DNAH7: variants seen among roughly 807,000 people sequenced by gnomAD.
DNAH7 encodes dynein axonemal heavy chain 7.
In DNAH7, 397 loss-of-function variants were observed where a neutral mutation model predicts 444.6. That is an observed-to-expected ratio of 0.89 (90% CI 0.82 to 0.97). The LOEUF is 0.97. DNAH7 is among the 50% of genes least tolerant of loss of function. DNAH7 has a pLI of 0.00. For synonymous variants in DNAH7, 1,636 were observed against 1,624.4 expected (o/e 1.01, Z -0.17); for missense variants, 4,902 against 4,800.8 (o/e 1.02, Z -0.62).
At chr2:196,009,022 C>A (rs1165896925) in intron 10 of DNAH7, among the ~76,000 whole-genome samples, 1 of 152,058 alleles carries the variant, frequency 6.6e-6, no homozygotes, top group Non-Finnish European at 1.5e-5. Context: ...AGAGCGAGTG[C>A]AAGAGAGCAA....
chr2:196,018,225 C>T lies in DNAH7; in HGVS notation c.869+945G>A, dbSNP rs141717494. On this transcript the variant is annotated intron_variant, in intron 9 of 64. Coordinates refer to ENST00000312428, the MANE Select transcript of DNAH7 (RefSeq NM_018897.3). ...CCCTAGTAGTCTAGCAAAGGCAAAT[C>T]GAAGTAATGATGATATAGCATTTTA... is the stretch of plus-strand genomic sequence containing the variant. Among the ~76,000 whole-genome samples the T allele has an allele frequency of 5.7e-4, 87 of 152,034 alleles. 1 individual carries two copies. The highest frequency in any genetic ancestry group is 2.1e-3 in the African/African-American group (86 of 41,506).
At chr2:195,757,585 TAAAGG>T (rs1462849783) in intron 61 of DNAH7, among the ~76,000 whole-genome samples, 1 of 152,134 alleles carries the variant, frequency 6.6e-6, no homozygotes, top group African/African-American at 2.4e-5. Context: ...AAAACAGCAG[TAAAGG>T]AATTTACTTT....
At chr2:196,064,316 A>AAAATAAAT (rs201123021) in intron 1 of DNAH7, among the ~76,000 whole-genome samples, 1,127 of 50,158 alleles carry the variant, frequency 0.022, 13 homozygotes, top group African/African-American at 0.041. Context: ...ACTCCGTCTC[A>AAAATAAAT]AAATAAATAA....
chr2:195,897,604 T>TA (rs1702395436), intron 29 of DNAH7, 63 bp downstream of exon 29: 1 of 943,332 alleles, frequency 1.1e-6, no homozygotes, highest in Non-Finnish European at 1.7e-6. Context: ...TTCACAACCT[T>TA]AGACATGTGA....
At chr2:195,896,849 A>G (rs1001171959) in intron 29 of DNAH7, among the ~76,000 whole-genome samples, 5 of 152,312 alleles carry the variant, frequency 3.3e-5, no homozygotes, top group East Asian at 3.9e-4. Context: ...ATGATGAGAC[A>G]TGGCTGCCAT....
intron 19 of DNAH7, among the ~76,000 whole-genome samples, chr2:195,950,613 C>T (rs191063648): frequency 2.7e-3 from 415 of 152,016 alleles, no homozygotes; most frequent in Non-Finnish European, 4.8e-3. Flanking sequence ...CTTTGGGAGG[C>T]TGAAGCGGGC....
rs1272916365 is a variant in DNAH7 at position 195,972,296 on chromosome 2, T to G, written c.2004A>C (p.Glu668Asp). The change falls in exon 16 of 65, where the codon GAA becomes GAC. Residue 668 changes from glutamate to aspartate, a missense_variant. Glu to Asp is a conservative substitution (Grantham distance 45). Coordinates refer to ENST00000312428, the MANE Select transcript of DNAH7 (RefSeq NM_018897.3). Reference sequence around the variant, plus strand: ...TCTCTTTAATGATTTTCCTGTGTTCTTCAAAAATTTCTCCCATCCTTCCAT... The same window carrying G: ...TCTCTTTAATGATTTTCCTGTGTTCGTCAAAAATTTCTCCCATCCTTCCAT... ...QWYGRMGEIF[E>D]EHRKIIKEKI... is the part of the protein sequence containing the mutation. 1.9e-6 allele frequency: 3 copies of G among 1,614,172 alleles called. No individual in the cohort carries two copies. The highest frequency in any genetic ancestry group is 3.3e-5 in the Admixed American group (2 of 60,028).
chr2:195,747,022 C>A (rs1328339312), intron 63 of DNAH7, among the ~76,000 whole-genome samples: 10 of 151,976 alleles, frequency 6.6e-5, no homozygotes, highest in African/African-American at 2.4e-4. Flanking sequence ...GAAATAGAGA[C>A]ACAAAAAAAC....
intron 29 of DNAH7, among the ~76,000 whole-genome samples, chr2:195,896,714 A>G (rs1702339306): frequency 6.6e-6 from 1 of 152,204 alleles, no homozygotes; most frequent in Non-Finnish European, 1.5e-5. Flanking sequence ...AAATCTGTAC[A>G]GTGCACCAGT....
intron 2 of DNAH7, among the ~76,000 whole-genome samples, chr2:196,056,419 G>GAAAAAAA (rs57708138): frequency 8.7e-6 from 1 of 115,350 alleles, no homozygotes. Flanking sequence ...CACTCTGTCT[G>GAAAAAAA]AAAAAAAAAA....
At chr2:195,996,121 T>C (rs1355530564) in intron 12 of DNAH7, among the ~76,000 whole-genome samples, 2 of 152,134 alleles carry the variant, frequency 1.3e-5, no homozygotes, top group African/African-American at 2.4e-5. Flanking sequence ...TAGAGTGCAA[T>C]GTCATATCAT....
At chr2:196,011,688 G>A (rs1694735027) in intron 10 of DNAH7, among the ~76,000 whole-genome samples, 1 of 152,110 alleles carries the variant, frequency 6.6e-6, no homozygotes, top group Non-Finnish European at 1.5e-5. Flanking sequence ...TTAAAATATG[G>A]TCAGAGAGTT....
At chr2:195,933,172 A>G (rs1419107024) in intron 21 of DNAH7, among the ~76,000 whole-genome samples, 1 of 152,238 alleles carries the variant, frequency 6.6e-6, no homozygotes, top group South Asian at 2.1e-4. Flanking sequence ...ACTGGCCATC[A>G]GAGAAATGCA....
intron 48 of DNAH7, among the ~76,000 whole-genome samples, chr2:195,828,794 T>C (rs1315369191): frequency 1.3e-5 from 2 of 151,974 alleles, no homozygotes; most frequent in Admixed American, 6.6e-5. Context: ...ATTTTCCTAA[T>C]ACCACTTGCT....
chr2:195,987,683 GTTC>G (rs1693012976), intron 13 of DNAH7, among the ~76,000 whole-genome samples: 2 of 151,968 alleles, frequency 1.3e-5, no homozygotes, highest in Admixed American at 1.3e-4. Context: ...AATCAAATAG[GTTC>G]TTGGAATTAT....
intron 31 of DNAH7, among the ~76,000 whole-genome samples, chr2:195,889,701 A>G (rs1457302709): frequency 6.6e-6 from 1 of 152,246 alleles, no homozygotes; most frequent in African/African-American, 2.4e-5. Flanking sequence ...TAGGAAAAAC[A>G]AAATTATTCA....
chr2:195,794,433 T>A lies in DNAH7; in HGVS notation c.10621A>T (p.Asn3541Tyr), dbSNP rs545986989. The A allele has an allele frequency of 1.9e-5, 31 of 1,614,080 alleles. No homozygotes were observed. Among genetic ancestry groups the A allele is most frequent in the Non-Finnish European group, 2.5e-5 (29 of 1,180,024 alleles). The change falls in exon 57 of 65, where the codon AAT becomes TAT. Residue 3541 changes from asparagine to tyrosine, a missense_variant. Coordinates refer to ENST00000312428, the MANE Select transcript of DNAH7 (RefSeq NM_018897.3). Reference sequence around the variant, plus strand: ...GCCCGTAAACCTTTTGGTGCTTCATTGGTCATTTTCACTCCATTCTGCAGT... The same window carrying A: ...GCCCGTAAACCTTTTGGTGCTTCATAGGTCATTTTCACTCCATTCTGCAGT... ...SVLQNGVKMT[N>Y]EAPKGLRANI...
chr2:195,939,242 A>C (rs1689261476), intron 19 of DNAH7, among the ~76,000 whole-genome samples: 1 of 152,118 alleles, frequency 6.6e-6, no homozygotes, highest in African/African-American at 2.4e-5. Context: ...CTCTGGGGAA[A>C]GGGGAAAATG....
intron 32 of DNAH7, 125 bp downstream of exon 32, chr2:195,888,674 A>C: frequency 1.9e-6 from 2 of 1,069,818 alleles, no homozygotes; most frequent in South Asian, 3.5e-5. Flanking sequence ...GTACTTTGAG[A>C]ATCACAGATC....
Sources: allele counts gnomAD v4.1 joint callset (sites outside exome capture counted in the v4.1 genomes callset), GRCh38; gene constraint gnomAD v4.1.1; transcripts MANE v1.5; gene names NCBI Gene and HGNC (gene_info 2026-07-23, HGNC 2026-07-21).